The following BCL7A variants were observed in gnomAD, a reference collection of about 807,000 sequenced individuals.
BCL7A encodes BAF chromatin remodeling complex subunit BCL7A.
Under a neutral mutation model 28.4 loss-of-function variants are expected in BCL7A, and 11 were observed. The ratio of observed to expected loss-of-function variants is 0.39; its 90% confidence interval spans 0.24 to 0.64. The LOEUF is 0.64. Ranked by LOEUF, BCL7A falls within the 30% of genes least tolerant of loss-of-function variation. BCL7A has a pLI of 0.50. For synonymous variants in BCL7A, 123 were observed against 103.3 expected (o/e 1.19, Z -1.15); for missense variants, 222 against 274.8 (o/e 0.81, Z 1.36).
intron 3 of BCL7A, among the ~76,000 whole-genome samples, chr12:122,035,716 G>A (rs80184629): frequency 1.3e-5 from 2 of 152,212 alleles, no homozygotes; most frequent in Admixed American, 6.5e-5. Flanking sequence ...TCTCAGCCTC[G>A]TGTGTCCAGG....
At chr12:122,034,194 T>C (rs1281106479) in intron 2 of BCL7A, among the ~76,000 whole-genome samples, 13 of 382 alleles carry the variant, frequency 0.034, no homozygotes, top group African/African-American at 0.087. Context: ...ATCTTTCATA[T>C]ATATATATAT....
chr12:122,046,705 G>A (rs929075384), intron 4 of BCL7A, among the ~76,000 whole-genome samples: 1 of 152,156 alleles, frequency 6.6e-6, no homozygotes, highest in African/African-American at 2.4e-5. Context: ...AAACAGGATT[G>A]ATTTCTAGCT....
chr12:122,059,178 C>T lies in BCL7A; in HGVS notation c.*15C>T, dbSNP rs1951899755. Reference sequence around the variant, plus strand: ...AAGAGATGTAGACGATGCTTTAAAGCCTCCGATCCATGTTCCATGGAAGGT... The same window carrying T: ...AAGAGATGTAGACGATGCTTTAAAGTCTCCGATCCATGTTCCATGGAAGGT... On this transcript the variant is annotated 3_prime_UTR_variant, in exon 6 of 6. Transcript: ENST00000261822. The surrounding 1 kb of genome is among the most constrained non-coding windows in gnomAD (Gnocchi z 4.0). 9.4e-6 allele frequency: 15 copies of T among 1,601,300 alleles called. No homozygotes were observed. The East Asian group carries it at 3.3e-4, about 36-fold the overall frequency.
At chr12:122,049,858 A>G (rs961028829) in intron 4 of BCL7A, among the ~76,000 whole-genome samples, 2 of 151,964 alleles carry the variant, frequency 1.3e-5, no homozygotes, top group Non-Finnish European at 2.9e-5. Context: ...GAGGCTGCAT[A>G]TGCACTCAGA....
chr12:122,059,411 A>T lies in BCL7A; in HGVS notation c.*248A>T. ...GGGAGGCAGGCGGGGCTGACAGCTCAGGAGTGTCTGCACACTGTCTCGGAA... is the reference window on the plus strand; with the variant it reads ...GGGAGGCAGGCGGGGCTGACAGCTCTGGAGTGTCTGCACACTGTCTCGGAA... On this transcript the variant is annotated 3_prime_UTR_variant, in exon 6 of 6. Coordinates refer to ENST00000261822, the MANE Select transcript of BCL7A (RefSeq NM_001024808.3). This position sits in a 1 kb window ranked among gnomAD's most constrained non-coding sequence, Gnocchi z 4.0. 1 of 448,942 alleles carries T rather than the reference A, an allele frequency of 2.2e-6. No homozygotes were observed. The highest frequency in any genetic ancestry group is 3.6e-5 in the Admixed American group (1 of 28,082). 27.8% of individuals were successfully genotyped at this position (448,942 alleles called of 1,614,324 possible). A position where few individuals can be genotyped will look rare whatever the true frequency, so the allele number is the denominator to read the frequency against.
rs1884231970 is a variant in BCL7A, at chr12:122,053,104, C to G, written c.440-1701C>G. Among the ~76,000 whole-genome samples, 3 of 152,102 alleles carry G rather than the reference C, an allele frequency of 2.0e-5. No individual in the cohort carries two copies. In the South Asian group the frequency reaches 6.2e-4, roughly 32 times the overall value. On this transcript the variant is annotated intron_variant, in intron 4 of 5. Coordinates refer to ENST00000261822, the MANE Select transcript of BCL7A (RefSeq NM_001024808.3). The stretch of plus-strand genomic sequence containing the variant: ...GAGGTGGTCCTGGGTTCAAACGATT[C>G]TCCTGCCTCAGCCTCCGAGTAACTG...
At chr12:122,045,752 G>A (rs921449168) in intron 4 of BCL7A, among the ~76,000 whole-genome samples, 3 of 151,916 alleles carry the variant, frequency 2.0e-5, no homozygotes, top group African/African-American at 7.3e-5. Flanking sequence ...TAGATCTCAG[G>A]ACATTTCATC....
intron 1 of BCL7A, among the ~76,000 whole-genome samples, chr12:122,024,539 A>G (rs922568223): frequency 4.1e-5 from 6 of 146,820 alleles, no homozygotes; most frequent in African/African-American, 1.0e-4. Context: ...CTGAGAAGCC[A>G]TATCTCACCT....
intron 5 of BCL7A, among the ~76,000 whole-genome samples, chr12:122,055,390 T>G (rs1365398735): frequency 1.3e-5 from 2 of 152,094 alleles, no homozygotes; most frequent in Non-Finnish European, 2.9e-5. Flanking sequence ...TGGAATCTGG[T>G]CTGAATGAGT....
chr12:122,046,486 G>A (rs997761756), intron 4 of BCL7A, among the ~76,000 whole-genome samples: 1 of 152,158 alleles, frequency 6.6e-6, no homozygotes, highest in South Asian at 2.1e-4. Flanking sequence ...CTGGGCTGGC[G>A]CCAGGGCCCC....
chr12:122,054,822 A>C lies in BCL7A; in HGVS notation c.457A>C (p.Asn153His). The C allele has an allele frequency of 6.2e-7, 1 of 1,614,128 alleles. No individual in the cohort carries two copies. The highest frequency in any genetic ancestry group is 8.5e-7 in the Non-Finnish European group (1 of 1,179,998). Residue 153 changes from asparagine (N) to histidine (H), a missense_variant, in exon 5 of 6, where the codon AAT becomes CAT. This residue lies in a region of BCL7A where 155 missense variants were observed against 145.7 expected (regional missense o/e 1.06). Coordinates refer to ENST00000261822, the MANE Select transcript of BCL7A (RefSeq NM_001024808.3). ...PGAEDASDEQ[N>H]SQSSMEHSMN... is the part of the protein sequence containing the mutation. ...TCCCTCAGATGCTTCTGATGAGCAG[A>C]ATTCACAGTCCTCGATGGAACATTC...
At chr12:122,034,315 CCTT>C (rs1883805993) in intron 2 of BCL7A, among the ~76,000 whole-genome samples, 2 of 146,378 alleles carry the variant, frequency 1.4e-5, no homozygotes, top group African/African-American at 2.5e-5. Context: ...TGAAGAACCA[CCTT>C]ATTCCCTGTA....
intron 3 of BCL7A, among the ~76,000 whole-genome samples, chr12:122,037,439 G>A (rs968995657): frequency 3.3e-5 from 5 of 152,172 alleles, no homozygotes; most frequent in Non-Finnish European, 5.9e-5. Context: ...GAAGGCCAGC[G>A]AACTTCCCCA....
At position 122,054,874 on chromosome 12, in the gene BCL7A, G is replaced by A. The variant is rs973957057; in HGVS notation, c.509G>A (p.Arg170Gln). The change falls in exon 5 of 6, where the codon CGG becomes CAG. Residue 170 changes from arginine (R) to glutamine (Q), a missense_variant. This residue lies in a region of BCL7A where 155 missense variants were observed against 145.7 expected (regional missense o/e 1.06). Transcript: ENST00000261822. ...ATGAACAGCTCAGAGAAAGTAGATC[G>A]GCAGCCGTCTGGAGACTCGGGTCTG... The part of the protein sequence containing the change: ...HSMNSSEKVD[R>Q]QPSGDSGLAA... 8.1e-6 allele frequency: 13 copies of A among 1,614,078 alleles called. No individual in the cohort carries two copies. In the African/African-American group the frequency reaches 1.2e-4, roughly 15 times the overall value.
In BCL7A at chr12:122,044,022, G is replaced by C; in HGVS notation, c.408G>C (p.Gln136His). Residue 136 changes from glutamine to histidine, a missense_variant, in exon 4 of 6, where the codon CAG (glutamine) becomes CAC (histidine). Around this residue, in one of 2 missense-constraint regions of BCL7A, gnomAD observed 155 missense variants for 145.7 expected, o/e 1.06. Coordinates refer to ENST00000261822, the MANE Select transcript of BCL7A (RefSeq NM_001024808.3). ...CCGAGGCCAAGGTGGATGAGGCCCA[G>C]GCTGATGGGAAGGAGCACCCAGGAG... ...DGTEAKVDEA[Q>H]ADGKEHPGAE... 4 of 1,613,880 alleles carry C rather than the reference G, an allele frequency of 2.5e-6. No individual in the cohort carries two copies. Among genetic ancestry groups the C allele is most frequent in the Non-Finnish European group, 3.4e-6 (4 of 1,179,950 alleles).
At chr12:122,050,535 G>T (rs887664344) in intron 4 of BCL7A, among the ~76,000 whole-genome samples, 1 of 152,206 alleles carries the variant, frequency 6.6e-6, no homozygotes, top group African/African-American at 2.4e-5. Context: ...GGCTTCCCTG[G>T]AAGGTGGTTC....
intron 1 of BCL7A, among the ~76,000 whole-genome samples, chr12:122,023,849 T>C (rs1883541018): frequency 6.6e-6 from 1 of 152,308 alleles, no homozygotes; most frequent in Admixed American, 6.5e-5. Flanking sequence ...CCTCAGCCCC[T>C]GTGCAAAGAA....
At chr12:122,033,588 C>T (rs932634090) in intron 2 of BCL7A, among the ~76,000 whole-genome samples, 3 of 151,430 alleles carry the variant, frequency 2.0e-5, no homozygotes, top group Admixed American at 6.6e-5. Flanking sequence ...CTGGGATTAC[C>T]GGCGTGAGCC....
chr12:122,052,058 A>T (rs1174327886), intron 4 of BCL7A, among the ~76,000 whole-genome samples: 1 of 151,798 alleles, frequency 6.6e-6, no homozygotes, highest in African/African-American at 2.4e-5. Context: ...TATTTTTAGT[A>T]GAGACGGGGT....
Sources: allele counts gnomAD v4.1 joint callset (sites outside exome capture counted in the v4.1 genomes callset), GRCh38; gene constraint gnomAD v4.1.1; regional missense constraint gnomAD v4.1.1; non-coding constraint Gnocchi (gnomAD v3.1); transcripts MANE v1.5; gene names NCBI Gene and HGNC (gene_info 2026-07-23, HGNC 2026-07-21).